The following RGS6 variants were observed in gnomAD, a reference collection of about 807,000 sequenced individuals.
RGS6 encodes the protein regulator of G protein signaling 6.
RGS6 carries 30 observed loss-of-function variants against 78.5 expected under a neutral mutation model. The observed-to-expected ratio is 0.38, with a 90% confidence interval of 0.29 to 0.52. The LOEUF is 0.52. RGS6 is among the 20% of genes least tolerant of loss of function. RGS6 has a pLI of 0.85. For missense variants in RGS6, 495 were observed against 609.7 expected, an observed-to-expected ratio of 0.81 and a Z score of 1.98; for synonymous variants, 206 against 206.0, an observed-to-expected ratio of 1.00 and a Z score of 0.00.
At position 72,563,658 on chromosome 14, in the gene RGS6, TG is replaced by T. The variant is rs2097696877; in HGVS notation, c.*1192del. On this transcript the variant is annotated 3_prime_UTR_variant, in exon 18 of 18. Coordinates refer to ENST00000553525, the MANE Select transcript of RGS6 (RefSeq NM_001204424.2). ...GATCCACCTGTATTCCCTGTGTGTG[TG>T]TGTCAAAATGACCATTTGCCAACCT... 6.6e-6 allele frequency: 1 copy of T among 152,302 alleles called. No individual in the cohort carries two copies. The highest frequency in any genetic ancestry group is 6.5e-5 in the Admixed American group (1 of 15,294). 9.4% of individuals were successfully genotyped at this position (152,302 alleles called of 1,614,324 possible).
chr14:72,553,017 C>CATGCACATGAACGCATGCACTGGTGT, intron 17 of RGS6, among the ~76,000 whole-genome samples: 1 of 152,212 alleles, frequency 6.6e-6, no homozygotes, highest in African/African-American at 2.4e-5. Context: ...GTGGTCTCAA[C>CATGCACATGAACGCATGCACTGGTGT]ATGCACATGA....
At chr14:71,930,381 C>A (rs1174588685), upstream of RGS6, among the ~76,000 whole-genome samples, 1 of 152,098 alleles carries the variant, frequency 6.6e-6, no homozygotes, top group Admixed American at 6.5e-5. Flanking sequence ...AAAATGTGTC[C>A]TGTCTCTATT....
chr14:72,327,602 A>G (rs2074091989), intron 2 of RGS6, among the ~76,000 whole-genome samples: 1 of 152,230 alleles, frequency 6.6e-6, no homozygotes, highest in Non-Finnish European at 1.5e-5. Context: ...TGTAAAAGTG[A>G]TGCTTTTTAT....
chr14:71,958,461 AC>A (rs2092955403), intron 1 of RGS6, among the ~76,000 whole-genome samples: 1 of 152,254 alleles, frequency 6.6e-6, no homozygotes, highest in Admixed American at 6.5e-5. Flanking sequence ...CGGGCTGAGA[AC>A]CACTGCTGCA....
chr14:71,901,439 A>T, the RGS6 span, among the ~76,000 whole-genome samples: 1 of 152,294 alleles, frequency 6.6e-6, no homozygotes, highest in East Asian at 1.9e-4. Context: ...ACAATTATTC[A>T]TGTTGTTATT....
rs568481552 is a variant in RGS6, at chr14:72,091,707, G to C, written c.84+126832G>C. On this transcript the variant is annotated intron_variant, in intron 2 of 17. Transcript: ENST00000553525. ...ACGGAGAAGCTGCCAGGAGAGCAGA[G>C]GTGGAGAGTGGAAGGGGCCAAGCCG... Among the ~76,000 whole-genome samples the C allele has an allele frequency of 9.9e-5, 15 of 152,280 alleles. No homozygotes were observed. The South Asian group carries it at 3.1e-3, about 32-fold the overall frequency.
chr14:72,383,282 TAAAG>T lies in RGS6; in HGVS notation c.184+31089_184+31092del, dbSNP rs561179621. On this transcript the variant is annotated intron_variant, in intron 3 of 17. Transcript: ENST00000553525. ...AGATTGATTTTAAAGGAATATAAAA[TAAAG>T]GTGTATCACGAGGTGGGACTAAATG... Among the ~76,000 whole-genome samples, 158 of 148,144 alleles carry T rather than the reference TAAAG, an allele frequency of 1.1e-3. 2 individuals carry two copies. Among genetic ancestry groups the T allele is most frequent in the African/African-American group, 3.8e-3 (154 of 40,374 alleles).
chr14:72,148,362 C>T (rs2153630324), intron 2 of RGS6, among the ~76,000 whole-genome samples: 1 of 152,142 alleles, frequency 6.6e-6, no homozygotes, highest in East Asian at 1.9e-4. Flanking sequence ...TGTGCCACTG[C>T]ACTCCAGCCT....
intron 2 of RGS6, among the ~76,000 whole-genome samples, chr14:72,288,759 A>G (rs1167147887): frequency 1.3e-5 from 2 of 152,154 alleles, no homozygotes; most frequent in Non-Finnish European, 2.9e-5. Context: ...CATGAGGAAG[A>G]TTGTCCTCCA....
At chr14:72,141,963 A>C (rs1390609803) in intron 2 of RGS6, among the ~76,000 whole-genome samples, 2 of 151,866 alleles carry the variant, frequency 1.3e-5, no homozygotes, top group African/African-American at 4.8e-5. Context: ...GTATCCATTA[A>C]ATACATATTG....
chr14:72,323,968 A>G (rs1256371333), intron 2 of RGS6, among the ~76,000 whole-genome samples: 2 of 152,108 alleles, frequency 1.3e-5, no homozygotes, highest in Middle Eastern at 3.4e-3. Flanking sequence ...CAGACATACA[A>G]TATGTAATCA....
chr14:72,407,357 G>A (rs1317200301), intron 3 of RGS6, among the ~76,000 whole-genome samples: 1 of 152,140 alleles, frequency 6.6e-6, no homozygotes, highest in Non-Finnish European at 1.5e-5. Context: ...TGATGTCAAT[G>A]GAAAGCTCTG....
chr14:71,889,702 G>A, the RGS6 span, among the ~76,000 whole-genome samples: 1 of 152,268 alleles, frequency 6.6e-6, no homozygotes, highest in African/African-American at 2.4e-5. Flanking sequence ...GTTTTGCCAA[G>A]TGATATGATC....
rs181669272 is a variant in RGS6, at chr14:72,143,964, G to A, written c.84+179089G>A. Among the ~76,000 whole-genome samples, 7 of 152,168 alleles carry A rather than the reference G, an allele frequency of 4.6e-5. No homozygotes were observed. The East Asian group carries it at 1.2e-3, about 25-fold the overall frequency. On this transcript the variant is annotated intron_variant, in intron 2 of 17. Transcript: ENST00000553525. ...TCAGTCACAGGACTTGTAGGGATGC[G>A]AGAAAAAGACCACCAGAGAAACTGA...
chr14:72,293,160 T>C (rs1340160780), intron 2 of RGS6, among the ~76,000 whole-genome samples: 1 of 152,242 alleles, frequency 6.6e-6, no homozygotes, highest in Non-Finnish European at 1.5e-5. Context: ...TGCGTCCAGT[T>C]ATATCCAAGG....
chr14:72,398,554 A>G (rs536938566), intron 3 of RGS6, among the ~76,000 whole-genome samples: 1 of 151,966 alleles, frequency 6.6e-6, no homozygotes, highest in South Asian at 2.1e-4. Flanking sequence ...TATTTCCTTC[A>G]GTTCTGTTCT....
the RGS6 span, among the ~76,000 whole-genome samples, chr14:71,882,990 C>T: frequency 1.1e-4 from 17 of 152,300 alleles, no homozygotes; most frequent in Admixed American, 7.8e-4. Context: ...CTGTGCCAGG[C>T]TTTTACCTGA....
At chr14:72,206,658 T>A (rs899373322) in intron 2 of RGS6, among the ~76,000 whole-genome samples, 2 of 151,612 alleles carry the variant, frequency 1.3e-5, no homozygotes, top group Non-Finnish European at 2.9e-5. Flanking sequence ...AAAAAGAGAG[T>A]TTGTCCAGGG....
chr14:72,431,442 T>C (rs1051026976), intron 3 of RGS6, among the ~76,000 whole-genome samples: 3 of 152,218 alleles, frequency 2.0e-5, no homozygotes, highest in Admixed American at 6.5e-5. Context: ...AACCTCTGCC[T>C]CCTATATTCA....
Sources: allele counts gnomAD v4.1 joint callset (sites outside exome capture counted in the v4.1 genomes callset), GRCh38; gene constraint gnomAD v4.1.1; transcripts MANE v1.5; gene names NCBI Gene and HGNC (gene_info 2026-07-23, HGNC 2026-07-21).